Variants in CNTNAP2 observed in about 807,000 individuals in gnomAD.
CNTNAP2 encodes contactin-associated protein-like 2.
CNTNAP2 carries 98 observed loss-of-function variants against 155.2 expected under a neutral mutation model. The observed-to-expected ratio is 0.63, with a 90% CI of 0.54 to 0.75. The LOEUF (loss-of-function observed/expected upper bound fraction) is 0.75, where lower values mean the gene tolerates loss of function less well. CNTNAP2 is among the 30% of genes least tolerant of loss of function. The pLI is 0.00. For missense variants in CNTNAP2, 1,727 were observed against 1,688.1 expected, an observed-to-expected ratio of 1.02 and a Z score of -0.40; for synonymous variants, 651 against 631.2, an observed-to-expected ratio of 1.03 and a Z score of -0.47.
intron 3 of CNTNAP2, among the ~76,000 whole-genome samples, chr7:146,975,157 C>A (rs1317890344): frequency 1.3e-5 from 2 of 151,848 alleles, no homozygotes; most frequent in African/African-American, 2.4e-5. Flanking sequence ...GAGAGAGAAT[C>A]CAGAGTGAAT....
At chr7:147,834,575 T>A (rs1798604593) in intron 13 of CNTNAP2, among the ~76,000 whole-genome samples, 1 of 152,218 alleles carries the variant, frequency 6.6e-6, no homozygotes, top group Non-Finnish European at 1.5e-5. Context: ...TCTGGGTCTT[T>A]CATAGACACC....
chr7:148,052,532 A>G (rs1802913336), intron 15 of CNTNAP2, among the ~76,000 whole-genome samples: 1 of 152,240 alleles, frequency 6.6e-6, no homozygotes, highest in Non-Finnish European at 1.5e-5. Flanking sequence ...AGACAGATCA[A>G]TAATCTTTAA....
At chr7:147,314,749 T>C (rs1795195645) in intron 9 of CNTNAP2, among the ~76,000 whole-genome samples, 1 of 151,142 alleles carries the variant, frequency 6.6e-6, no homozygotes, top group African/African-American at 2.4e-5. Flanking sequence ...TGATTTTAGG[T>C]TTAATATTTA....
intron 1 of CNTNAP2, among the ~76,000 whole-genome samples, chr7:146,513,843 C>T (rs1235682427): frequency 6.6e-6 from 1 of 151,676 alleles, no homozygotes; most frequent in East Asian, 1.9e-4. Flanking sequence ...CTGAAAAATT[C>T]ATTTTATTAT....
chr7:147,088,923 G>T (rs1187500335), intron 4 of CNTNAP2, among the ~76,000 whole-genome samples: 1 of 152,026 alleles, frequency 6.6e-6, no homozygotes, highest in Admixed American at 6.6e-5. Context: ...CAGCCTGGGT[G>T]ACAGAGCAAG....
At chr7:148,288,700 T>C (rs1485572098) in intron 21 of CNTNAP2, among the ~76,000 whole-genome samples, 2 of 152,122 alleles carry the variant, frequency 1.3e-5, no homozygotes, top group Admixed American at 1.3e-4. Context: ...GTTCCAATCA[T>C]TCCCCCTGCT....
At chr7:146,357,762 G>A (rs1039966058) in intron 1 of CNTNAP2, among the ~76,000 whole-genome samples, 2 of 151,746 alleles carry the variant, frequency 1.3e-5, no homozygotes, top group Admixed American at 6.6e-5. Flanking sequence ...TAATTTTACA[G>A]GTACTAACCC....
intron 10 of CNTNAP2, among the ~76,000 whole-genome samples, chr7:147,413,837 A>T (rs1797142842): frequency 1.3e-5 from 2 of 152,208 alleles, no homozygotes; most frequent in Admixed American, 1.3e-4. Flanking sequence ...TCAGGTAGTG[A>T]CAAAAAAGAT....
intron 3 of CNTNAP2, among the ~76,000 whole-genome samples, chr7:146,920,268 G>T (rs1392659192): frequency 6.6e-6 from 1 of 152,024 alleles, no homozygotes; most frequent in Admixed American, 6.6e-5. Context: ...ACAAAAATTA[G>T]TCGATCATGG....
At chr7:146,531,123 A>G (rs1227500937) in intron 1 of CNTNAP2, among the ~76,000 whole-genome samples, 1 of 152,190 alleles carries the variant, frequency 6.6e-6, no homozygotes, top group African/African-American at 2.4e-5. Context: ...ACAGGAACAC[A>G]AAACCAAATA....
chr7:147,520,944 A>G (rs777714225), intron 11 of CNTNAP2, among the ~76,000 whole-genome samples: 2 of 152,220 alleles, frequency 1.3e-5, no homozygotes, highest in South Asian at 2.1e-4. Flanking sequence ...CCAAAGGGAT[A>G]GCTCTTCTGT....
chr7:146,875,952 AAAAAAAAAACAAAAAAC>A (rs1339174048), intron 3 of CNTNAP2, among the ~76,000 whole-genome samples: 2 of 149,156 alleles, frequency 1.3e-5, no homozygotes, highest in Non-Finnish European at 3.0e-5. Flanking sequence ...AAAAAAAAAA[AAAAAAAAAACAAAAAAC>A]AAAAAAACGA....
chr7:147,307,529 A>G (rs936309686), intron 9 of CNTNAP2, among the ~76,000 whole-genome samples: 6 of 152,336 alleles, frequency 3.9e-5, no homozygotes, highest in African/African-American at 1.4e-4. Context: ...GGTTGCAGTG[A>G]GACAGGATCA....
In CNTNAP2 at chr7:148,388,074, T is replaced by TAACCATAAAAATGGGC. The variant is rs1385242681; in HGVS notation, c.3715+4192_3715+4207dup. Among the ~76,000 whole-genome samples the TAACCATAAAAATGGGC allele has an allele frequency of 3.3e-5, 5 of 152,088 alleles. No individual in the cohort carries two copies. The East Asian group carries it at 7.7e-4, about 23-fold the overall frequency. ...CCTTGTTTAGCATATAATCAAGAAA[T>TAACCATAAAAATGGGC]AACCATAAAAATGGGCAACCAGCAG... On this transcript the variant is annotated intron_variant, in intron 22 of 23. Transcript: ENST00000361727.
At chr7:147,877,152 T>C (rs1190184851) in intron 13 of CNTNAP2, among the ~76,000 whole-genome samples, 1 of 152,198 alleles carries the variant, frequency 6.6e-6, no homozygotes, top group African/African-American at 2.4e-5. Context: ...TTGTGTTGTT[T>C]GGCCATGATC....
At chr7:146,477,951 A>G (rs528220790) in intron 1 of CNTNAP2, among the ~76,000 whole-genome samples, 98 of 152,274 alleles carry the variant, frequency 6.4e-4, no homozygotes, top group Middle Eastern at 3.4e-3. Context: ...CCCTCATAAC[A>G]CAAAATAAGC....
At chr7:147,825,284 C>T (rs185020875) in intron 13 of CNTNAP2, among the ~76,000 whole-genome samples, 45 of 152,288 alleles carry the variant, frequency 3.0e-4, no homozygotes, top group African/African-American at 1.1e-3. Flanking sequence ...TTCTAGTGAG[C>T]GTTCTTAGTA....
chr7:148,382,416 T>C (rs1799085807), intron 21 of CNTNAP2, among the ~76,000 whole-genome samples: 1 of 152,322 alleles, frequency 6.6e-6, no homozygotes, highest in African/African-American at 2.4e-5. Flanking sequence ...ATTGATTTTC[T>C]GTGGTGTCAT....
In CNTNAP2 at chr7:148,194,506, T is replaced by C. The variant is rs1016977650; in HGVS notation, c.3010+22028T>C. Among the ~76,000 whole-genome samples the C allele has an allele frequency of 3.3e-5, 5 of 152,284 alleles. No individual in the cohort carries two copies. The East Asian group carries it at 9.6e-4, about 29-fold the overall frequency. ...AGAAAAAGAACCAGTAGGATAAGTA[T>C]AATATAGATAAGAGGGAATTTATTA... On this transcript the variant is annotated intron_variant, in intron 18 of 23. Transcript: ENST00000361727.
Sources: allele counts gnomAD v4.1 joint callset (sites outside exome capture counted in the v4.1 genomes callset), GRCh38; gene constraint gnomAD v4.1.1; transcripts MANE v1.5; gene names NCBI Gene and HGNC (gene_info 2026-07-23, HGNC 2026-07-21).